PLB1: variants seen among roughly 807,000 people sequenced by gnomAD.
PLB1 encodes phospholipase B1, also known as phospholipase B1, membrane-associated.
PLB1 carries 242 observed loss-of-function variants against 227.4 expected under a neutral mutation model. The observed-to-expected ratio is 1.06, with a 90% CI of 0.96 to 1.18. PLB1 has a LOEUF of 1.18. PLB1 is among the 50% of genes most tolerant of loss of function. PLB1 has a pLI of 0.00. For synonymous variants in PLB1, 757 were observed against 682.2 expected, an observed-to-expected ratio of 1.11 and a Z score of -1.71; for missense variants, 1,858 against 1,816.3, an observed-to-expected ratio of 1.02 and a Z score of -0.42.
At chr2:28,630,492 G>A in intron 53 of PLB1, 94 bp from the exon 54 acceptor site, 1 of 1,047,776 alleles carries the variant, frequency 9.5e-7, no homozygotes, top group Non-Finnish European at 1.4e-6. Flanking sequence ...GGCCCCTGGG[G>A]TAGTGGCCTG....
intron 43 of PLB1, 37 bp from the exon 44 acceptor site, chr2:28,613,994 G>A (rs778949752): frequency 1.3e-6 from 2 of 1,554,914 alleles, no homozygotes; most frequent in Non-Finnish European, 1.8e-6. Context: ...CTTCAGTGCT[G>A]TCAGATAACT....
At chr2:28,580,052 C>T (rs1679659443) in intron 23 of PLB1, among the ~76,000 whole-genome samples, 1 of 152,248 alleles carries the variant, frequency 6.6e-6, no homozygotes, top group African/African-American at 2.4e-5. Flanking sequence ...CTCCAGCAGC[C>T]TTGCCCTTTC....
chr2:28,627,051 T>TGG (rs1006009101), intron 51 of PLB1, among the ~76,000 whole-genome samples: 3 of 152,182 alleles, frequency 2.0e-5, no homozygotes, highest in Non-Finnish European at 1.5e-5. Flanking sequence ...TGTTCTAAGT[T>TGG]GGGGACATTC....
At chr2:28,599,841 C>T (rs4514835) in intron 35 of PLB1, among the ~76,000 whole-genome samples, 7,302 of 152,200 alleles carry the variant, frequency 0.048, 571 homozygotes, top group African/African-American at 0.16. Context: ...TCTCAAACTC[C>T]TGACCTCAAG....
chr2:28,560,961 C>T (rs146389833), intron 17 of PLB1, among the ~76,000 whole-genome samples: 5 of 152,290 alleles, frequency 3.3e-5, no homozygotes, highest in East Asian at 1.9e-4. Context: ...CCATCCATCA[C>T]GCTTTTCCCT....
chr2:28,512,471 C>T (rs985950531), intron 1 of PLB1, among the ~76,000 whole-genome samples: 1 of 152,136 alleles, frequency 6.6e-6, no homozygotes, highest in African/African-American at 2.4e-5. Context: ...TTTTCTTCAT[C>T]TGGGACTGGT....
intron 20 of PLB1, among the ~76,000 whole-genome samples, chr2:28,570,732 G>T (rs1007748044): frequency 1.3e-5 from 2 of 152,214 alleles, no homozygotes; most frequent in Admixed American, 1.3e-4. Context: ...GTTGCAGTGA[G>T]CTGATATTGC....
chr2:28,547,418 A>G (rs1467106261), intron 14 of PLB1, among the ~76,000 whole-genome samples: 1 of 151,830 alleles, frequency 6.6e-6, no homozygotes, highest in East Asian at 1.9e-4. Flanking sequence ...GAGAGTTGCC[A>G]CTCCTTTTCC....
intron 33 of PLB1, 113 bp downstream of exon 33, chr2:28,593,867 G>C: frequency 1.1e-6 from 1 of 949,758 alleles, no homozygotes; most frequent in Non-Finnish European, 1.7e-6. Context: ...TCTGGAAGGG[G>C]CTTTCAGAAA....
At chr2:28,558,648 GGGTGCATGTGTGCAT>G (rs1270516936) in intron 17 of PLB1, among the ~76,000 whole-genome samples, 3 of 152,082 alleles carry the variant, frequency 2.0e-5, no homozygotes, top group Non-Finnish European at 2.9e-5. Context: ...TCATGTGGAA[GGGTGCATGTGTGCAT>G]GGTGCATATG....
At chr2:28,513,583 C>G (rs950128140) in intron 1 of PLB1, among the ~76,000 whole-genome samples, 3 of 152,262 alleles carry the variant, frequency 2.0e-5, no homozygotes, top group Admixed American at 6.5e-5. Context: ...AGCCCACTCT[C>G]TGTACTTATT....
intron 20 of PLB1, among the ~76,000 whole-genome samples, chr2:28,568,229 G>C (rs1375365441): frequency 2.0e-5 from 3 of 152,234 alleles, no homozygotes; most frequent in Admixed American, 6.5e-5. Context: ...GGGTGCTTTT[G>C]TGAGTGTGAT....
intron 25 of PLB1, 117 bp downstream of exon 25, chr2:28,582,622 C>G (rs562847064): frequency 6.6e-6 from 5 of 761,270 alleles, no homozygotes; most frequent in African/African-American, 5.3e-5. Flanking sequence ...CTGTGACCAC[C>G]CCATCTTCTA....
Position 28,567,469 on chromosome 2 carries a change from C to CTTTTTTTTTTT in PLB1, c.1324+641_1324+651dup, listed in dbSNP as rs57787583. Among the ~76,000 whole-genome samples, 98 of 108,068 alleles carry CTTTTTTTTTTT rather than the reference C, an allele frequency of 9.1e-4. 1 individual carries two copies. Among genetic ancestry groups the CTTTTTTTTTTT allele is most frequent in the African/African-American group, 3.4e-3 (85 of 24,766 alleles). 70.9% of individuals were successfully genotyped at this position (108,068 alleles called of 152,430 possible). A position where few individuals can be genotyped will look rare whatever the true frequency, so the allele number is the denominator to read the frequency against. Reference sequence around the variant, plus strand: ...AACCTGCTCGGAATGATTTCTTTCTCTTTTTTTTTTTTTTTTTTTTTGAGA... The same window carrying CTTTTTTTTTTT: ...AACCTGCTCGGAATGATTTCTTTCTCTTTTTTTTTTTTTTTTTTTTTTTTTTTTTTTTGAGA... On this transcript the variant is annotated intron_variant, in intron 20 of 57. Transcript: ENST00000327757.
intron 6 of PLB1, 93 bp from the exon 7 acceptor site, chr2:28,529,224 C>T (rs778353710): frequency 1.8e-4 from 150 of 824,548 alleles, no homozygotes; most frequent in Non-Finnish European, 2.6e-4. Flanking sequence ...AGATTATAGG[C>T]ATGAGCCACC....
In PLB1 at chr2:28,565,453, G is replaced by A. The variant is rs183243549; in HGVS notation, c.1280+100G>A. 163 of 1,106,392 alleles carry A rather than the reference G, an allele frequency of 1.5e-4. 1 individual carries two copies. The East Asian group carries it at 3.2e-3, about 21-fold the overall frequency. The allele number at this position is 1,106,392 out of a possible 1,614,324, so 68.5% of individuals were successfully genotyped here. A position where few individuals can be genotyped will look rare whatever the true frequency, so the allele number is the denominator to read the frequency against. On this transcript the variant is annotated intron_variant, in intron 19 of 57. Coordinates refer to ENST00000327757, the MANE Select transcript of PLB1 (RefSeq NM_153021.5). ...AACAACGCCTTAAGCAGAAGGGTGG[G>A]CCATTTTGTTCTTTTCTATGACCAA... is the stretch of plus-strand genomic sequence containing the variant.
At chr2:28,537,915 G>A (rs1671920707) in intron 9 of PLB1, among the ~76,000 whole-genome samples, 2 of 152,174 alleles carry the variant, frequency 1.3e-5, no homozygotes, top group South Asian at 4.2e-4. Context: ...TTAAATACAG[G>A]GTTAATTGTA....
chr2:28,612,867 C>T (rs1416312297), intron 43 of PLB1, among the ~76,000 whole-genome samples: 1 of 151,112 alleles, frequency 6.6e-6, no homozygotes, highest in African/African-American at 2.4e-5. Flanking sequence ...TGAACCCCCC[C>T]TTGGCCTCCC....
Position 28,598,779 on chromosome 2 carries a change from G to T in PLB1, c.2474+19G>T. 6.3e-7 allele frequency: 1 copy of T among 1,591,540 alleles called. No individual in the cohort carries two copies. The highest frequency in any genetic ancestry group is 8.6e-7 in the Non-Finnish European group (1 of 1,159,392). On this transcript the variant is annotated intron_variant, in intron 35 of 57. Coordinates refer to ENST00000327757, the MANE Select transcript of PLB1 (RefSeq NM_153021.5). ...AGGCTGAGTATGGCATTTGGGGAGG[G>T]AGGGAGCCTGCAGAGCAGGGAGTGG...
Sources: gnomAD v4.1 joint callset for allele counts (sites outside exome capture counted in the v4.1 genomes callset) on GRCh38, gnomAD v4.1.1 for gene constraint, MANE v1.5 for transcripts, NCBI Gene and HGNC (gene_info 2026-07-23, HGNC 2026-07-21) for gene names.